CYP27C1: variants seen among roughly 807,000 people sequenced by gnomAD.
CYP27C1 encodes the protein cytochrome P450 family 27 subfamily C member 1, also known as cytochrome P450 27C1.
A neutral mutation model predicts 40.6 loss-of-function variants in CYP27C1; 29 were observed. The observed-to-expected ratio is 0.71, with a 90% confidence interval of 0.53 to 0.97. The LOEUF is 0.97. CYP27C1 is among the 50% of genes least tolerant of loss of function. The pLI is 0.00. For synonymous variants in CYP27C1, 198 were observed against 186.8 expected, an observed-to-expected ratio of 1.06 and a Z score of -0.49; for missense variants, 390 against 485.8, an observed-to-expected ratio of 0.80 and a Z score of 1.85.
At chr2:127,207,849 A>G (rs546023292) in intron 1 of CYP27C1, among the ~76,000 whole-genome samples, 1 of 152,358 alleles carries the variant, frequency 6.6e-6, no homozygotes, top group South Asian at 2.1e-4. Context: ...ATGGCAAGAT[A>G]TCCCATGTTC....
intron 6 of CYP27C1, 34 bp from the exon 7 acceptor site, chr2:127,193,901 G>A (rs776550412): frequency 3.1e-6 from 5 of 1,610,622 alleles, no homozygotes; most frequent in Admixed American, 3.3e-5. Flanking sequence ...GGAATGGCGT[G>A]GTGACTTTCA....
chr2:127,197,121 CAGG>C (rs1682921869), intron 5 of CYP27C1, among the ~76,000 whole-genome samples: 2 of 152,190 alleles, frequency 1.3e-5, no homozygotes, highest in Non-Finnish European at 2.9e-5. Flanking sequence ...CACCAGGGGA[CAGG>C]AGGCACAAGC....
chr2:127,214,420 A>T (rs1683388529), intron 1 of CYP27C1, among the ~76,000 whole-genome samples: 1 of 152,220 alleles, frequency 6.6e-6, no homozygotes, highest in Non-Finnish European at 1.5e-5. Flanking sequence ...GAACCAACCC[A>T]AATGCCCATT....
At chr2:127,192,110 G>T (rs1015441453) in intron 8 of CYP27C1, among the ~76,000 whole-genome samples, 1 of 152,204 alleles carries the variant, frequency 6.6e-6, no homozygotes, top group Non-Finnish European at 1.5e-5. Context: ...CTCCCAGTGA[G>T]CCTGGAGGGG....
rs576586294 is a variant in CYP27C1, at chr2:127,200,709, C to T, written c.883+413G>A. Among the ~76,000 whole-genome samples the T allele has an allele frequency of 1.3e-5, 2 of 152,288 alleles. No homozygotes were observed. Among genetic ancestry groups the T allele is most frequent in the African/African-American group, 2.4e-5 (1 of 41,562 alleles). On this transcript the variant is annotated intron_variant, in intron 4 of 8. Transcript: ENST00000664447. The surrounding 1 kb of genome is among the most constrained non-coding windows in gnomAD (Gnocchi z 4.2). ...AGGCGTGGTGGCTCACACTTGTAAT[C>T]CCAGCACTTTAGGAGGTCAAGGTGG... is the stretch of plus-strand genomic sequence containing the variant.
intron 3 of CYP27C1, among the ~76,000 whole-genome samples, chr2:127,202,747 T>C (rs569778084): frequency 6.6e-6 from 1 of 152,190 alleles, no homozygotes; most frequent in Admixed American, 6.5e-5. Context: ...CAAAATGTTT[T>C]TTTTTTTTGA....
At position 127,201,449 on chromosome 2, in the gene CYP27C1, A is replaced by G; in HGVS notation, c.674-118T>C. On this transcript the variant is annotated intron_variant, in intron 3 of 8. Coordinates refer to ENST00000664447, the MANE Select transcript of CYP27C1 (RefSeq NM_001367502.1). The surrounding 1 kb of genome is among the most constrained non-coding windows in gnomAD (Gnocchi z 6.0). ...TCCAGGTGCCTTTCATGAATGAGGC[A>G]TCGTCCCTCTGAGGATTTCTCTGCA... 1.1e-6 allele frequency: 1 copy of G among 904,860 alleles called. No individual in the cohort carries two copies. Among genetic ancestry groups the G allele is most frequent in the East Asian group, 2.5e-5 (1 of 39,338 alleles). The allele number at this position is 904,860 out of a possible 1,614,324, so 56.1% of individuals were successfully genotyped here.
Position 127,219,013 on chromosome 2 carries a change from C to G in CYP27C1, c.282+976G>C, listed in dbSNP as rs974733139. ...GCGGGTGGCTGGGACCCCTGGGTTCCTCCCACGTCCCTGCCTCCAGTCCCG... is the reference window on the plus strand; with the variant it reads ...GCGGGTGGCTGGGACCCCTGGGTTCGTCCCACGTCCCTGCCTCCAGTCCCG... On this transcript the variant is annotated intron_variant, in intron 1 of 8. Transcript: ENST00000664447. This position sits in a 1 kb window ranked among gnomAD's most constrained non-coding sequence, Gnocchi z 8.7. Among the ~76,000 whole-genome samples, 1 of 152,172 alleles carries G rather than the reference C, an allele frequency of 6.6e-6. No individual in the cohort carries two copies. Among genetic ancestry groups the G allele is most frequent in the Non-Finnish European group, 1.5e-5 (1 of 68,002 alleles).
chr2:127,208,444 A>G lies in CYP27C1; in HGVS notation c.283-2354T>C, dbSNP rs964814609. ...AGCATCCCAACCCTGGTATGCACAG[A>G]TTCCTACAGCCTCTCAGCTGGAATC... On this transcript the variant is annotated intron_variant, in intron 1 of 8. Transcript: ENST00000664447. This position sits in a 1 kb window ranked among gnomAD's most constrained non-coding sequence, Gnocchi z 5.2. Among the ~76,000 whole-genome samples the G allele has an allele frequency of 5.9e-5, 9 of 152,186 alleles. No homozygotes were observed. The highest frequency in any genetic ancestry group is 2.2e-4 in the African/African-American group (9 of 41,460).
At position 127,219,553 on chromosome 2, in the gene CYP27C1, C is replaced by T. The variant is rs1235319456; in HGVS notation, c.282+436G>A. Reference sequence around the variant, plus strand: ...ACTCCCCTCCCCGCTACCTCCTCCCCAGGGGTCCCGGCTGGGGCCCCTCCA... The same window carrying T: ...ACTCCCCTCCCCGCTACCTCCTCCCTAGGGGTCCCGGCTGGGGCCCCTCCA... On this transcript the variant is annotated intron_variant, in intron 1 of 8. Coordinates refer to ENST00000664447, the MANE Select transcript of CYP27C1 (RefSeq NM_001367502.1). The surrounding 1 kb of genome is among the most constrained non-coding windows in gnomAD (Gnocchi z 8.7). 6.6e-6 allele frequency among the ~76,000 whole-genome samples: 1 copy of T among 152,078 alleles called. No individual in the cohort carries two copies. Among genetic ancestry groups the T allele is most frequent in the East Asian group, 1.9e-4 (1 of 5,130 alleles).
At chr2:127,212,231 C>T (rs1683352725) in intron 1 of CYP27C1, among the ~76,000 whole-genome samples, 1 of 152,154 alleles carries the variant, frequency 6.6e-6, no homozygotes, top group African/African-American at 2.4e-5. Flanking sequence ...CTGAATTCTA[C>T]CAGAAATACA....
intron 2 of CYP27C1, among the ~76,000 whole-genome samples, chr2:127,205,049 G>T (rs1334727871): frequency 1.3e-5 from 2 of 152,128 alleles, no homozygotes; most frequent in African/African-American, 4.8e-5. Context: ...CACCAGCACC[G>T]CCTCTCTCCA....
In CYP27C1 at chr2:127,209,920, G is replaced by A. The variant is rs1056506562; in HGVS notation, c.283-3830C>T. Among the ~76,000 whole-genome samples the A allele has an allele frequency of 3.9e-5, 6 of 152,190 alleles. No individual in the cohort carries two copies. Among genetic ancestry groups the A allele is most frequent in the African/African-American group, 1.4e-4 (6 of 41,456 alleles). On this transcript the variant is annotated intron_variant, in intron 1 of 8. Transcript: ENST00000664447. This position sits in a 1 kb window ranked among gnomAD's most constrained non-coding sequence, Gnocchi z 4.1. ...GCACCAGAAGGAGACGGGGAGAATG[G>A]AAACAAGCTGGAAAACACACTTCAT...
In CYP27C1 at chr2:127,218,174, A is replaced by T. The variant is rs1683469938; in HGVS notation, c.282+1815T>A. Among the ~76,000 whole-genome samples, 1 of 151,968 alleles carries T rather than the reference A, an allele frequency of 6.6e-6. No homozygotes were observed. The highest frequency in any genetic ancestry group is 2.4e-5 in the African/African-American group (1 of 41,360). ...CTGGCGGCAGGGGCGGGTGAATGGA[A>T]AATACCCATCTGAACTGCCACACAT... On this transcript the variant is annotated intron_variant, in intron 1 of 8. Transcript: ENST00000664447. This position sits in a 1 kb window ranked among gnomAD's most constrained non-coding sequence, Gnocchi z 6.0.
intron 1 of CYP27C1, among the ~76,000 whole-genome samples, chr2:127,215,249 G>C (rs952466085): frequency 6.6e-6 from 1 of 152,044 alleles, no homozygotes; most frequent in Non-Finnish European, 1.5e-5. Context: ...TTCATCAAGA[G>C]TTCCAAGATC....
Position 127,184,255 on chromosome 2 carries a change from T to C in CYP27C1, c.*3016A>G, listed in dbSNP as rs1021437389. 1 of 151,994 alleles carries C rather than the reference T, an allele frequency of 6.6e-6. No individual in the cohort carries two copies. Among genetic ancestry groups the C allele is most frequent in the Non-Finnish European group, 1.5e-5 (1 of 68,026 alleles). The allele number at this position is 151,994 out of a possible 1,614,324, so 9.4% of individuals were successfully genotyped here. A position where few individuals can be genotyped will look rare whatever the true frequency, so the allele number is the denominator to read the frequency against. On this transcript the variant is annotated 3_prime_UTR_variant, in exon 9 of 9. Transcript: ENST00000664447. ...ATTGGAAGAATTAATATTTTTGGCT[T>C]TTATTTTATTTTTAAAAATTATCTC...
rs1438337226 is a variant in CYP27C1, at chr2:127,201,708, G to A, written c.674-377C>T. On this transcript the variant is annotated intron_variant, in intron 3 of 8. Transcript: ENST00000664447. This position sits in a 1 kb window ranked among gnomAD's most constrained non-coding sequence, Gnocchi z 6.0. The stretch of plus-strand genomic sequence containing the variant: ...TGGGGAGGGGACAATCACCGAGCGT[G>A]TCACTGCTCTCCCCCAACACCCTCC... Among the ~76,000 whole-genome samples, 1 of 152,194 alleles carries A rather than the reference G, an allele frequency of 6.6e-6. No homozygotes were observed. Among genetic ancestry groups the A allele is most frequent in the Non-Finnish European group, 1.5e-5 (1 of 68,038 alleles).
In CYP27C1 at chr2:127,209,248, C is replaced by T. The variant is rs577895888; in HGVS notation, c.283-3158G>A. On this transcript the variant is annotated intron_variant, in intron 1 of 8. Coordinates refer to ENST00000664447, the MANE Select transcript of CYP27C1 (RefSeq NM_001367502.1). This position sits in a 1 kb window ranked among gnomAD's most constrained non-coding sequence, Gnocchi z 4.1. Reference sequence around the variant, plus strand: ...CCTGAAGTGAACCCCCAGCAAACTGCAGCAGCCCTACAGAAGAGGGATTGA... The same window carrying T: ...CCTGAAGTGAACCCCCAGCAAACTGTAGCAGCCCTACAGAAGAGGGATTGA... Among the ~76,000 whole-genome samples the T allele has an allele frequency of 6.6e-6, 1 of 152,206 alleles. No homozygotes were observed. The highest frequency in any genetic ancestry group is 2.4e-5 in the African/African-American group (1 of 41,516).
chr2:127,212,923 A>C (rs1486691302), intron 1 of CYP27C1, among the ~76,000 whole-genome samples: 2 of 152,216 alleles, frequency 1.3e-5, no homozygotes, highest in Non-Finnish European at 2.9e-5. Flanking sequence ...AAACCCCATC[A>C]TCTCAGCCCA....
Sources: gnomAD v4.1 joint callset for allele counts (sites outside exome capture counted in the v4.1 genomes callset) on GRCh38, gnomAD v4.1.1 for gene constraint, Gnocchi (gnomAD v3.1) non-coding constraint, MANE v1.5 for transcripts, NCBI Gene and HGNC (gene_info 2026-07-23, HGNC 2026-07-21) for gene names.